Variants in USP25 observed in about 807,000 individuals in gnomAD.
USP25 encodes ubiquitin carboxyl-terminal hydrolase 25.
Under a neutral mutation model 158.5 loss-of-function variants are expected in USP25, and 85 were observed. That is an observed-to-expected ratio of 0.54 (90% confidence interval 0.45 to 0.64). USP25 has a LOEUF of 0.64. USP25 is among the 30% of genes least tolerant of loss of function. The pLI is 0.00. For missense variants in USP25, 1,242 were observed against 1,327.3 expected (o/e 0.94, Z 1.00); for synonymous variants, 464 against 460.4 (o/e 1.01, Z -0.10).
rs566571982 is a variant in USP25 at position 15,824,639 on chromosome 21, CAG to C, written c.1209-324_1209-323del. Among the ~76,000 whole-genome samples, 22 of 152,056 alleles carry C rather than the reference CAG, an allele frequency of 1.4e-4. No homozygotes were observed. The South Asian group carries it at 2.9e-3, about 20-fold the overall frequency. ...TCTTTCCTTCTTTTTTGTTTTGAGA[CAG>C]AGTCTTGCTCTGTCGCCCAGGCTGG... On this transcript the variant is annotated intron_variant, in intron 11 of 25. Transcript: ENST00000400183.
chr21:15,769,331 A>C (rs1482318896), intron 3 of USP25, among the ~76,000 whole-genome samples: 2 of 152,084 alleles, frequency 1.3e-5, no homozygotes, highest in Non-Finnish European at 2.9e-5. Context: ...CTGCATAAAA[A>C]AGAATTTAGA....
At chr21:15,749,352 TA>T (rs1407591870) in intron 1 of USP25, among the ~76,000 whole-genome samples, 8 of 152,238 alleles carry the variant, frequency 5.3e-5, no homozygotes, top group African/African-American at 1.4e-4. Flanking sequence ...TGTTTCTGCT[TA>T]TCTGTGGGAA....
At chr21:15,782,273 C>T (rs2035009077) in intron 4 of USP25, among the ~76,000 whole-genome samples, 1 of 152,186 alleles carries the variant, frequency 6.6e-6, no homozygotes. Flanking sequence ...GAACTTGCTC[C>T]CAGCTTGAAT....
chr21:15,751,586 A>T (rs2123317028), intron 1 of USP25, among the ~76,000 whole-genome samples: 1 of 152,322 alleles, frequency 6.6e-6, no homozygotes, highest in East Asian at 1.9e-4. Flanking sequence ...CAACAAGTTA[A>T]ATACATATTT....
chr21:15,863,660 A>G (rs565144293), intron 20 of USP25, among the ~76,000 whole-genome samples: 70 of 152,350 alleles, frequency 4.6e-4, no homozygotes, highest in African/African-American at 1.6e-3. Flanking sequence ...ATTTTACAGA[A>G]TTACTCACAT....
At chr21:15,745,644 T>G (rs1214417014) in intron 1 of USP25, among the ~76,000 whole-genome samples, 1 of 151,896 alleles carries the variant, frequency 6.6e-6, no homozygotes, top group African/African-American at 2.4e-5. Flanking sequence ...CTCAGCTAAT[T>G]TTTGTATTTT....
chr21:15,805,696 T>TA (rs1406039257), intron 7 of USP25: 2 of 152,326 alleles, frequency 1.3e-5, no homozygotes, highest in Non-Finnish European at 2.9e-5. Flanking sequence ...GGTAGATTTT[T>TA]ATCCATTACC....
intron 6 of USP25, among the ~76,000 whole-genome samples, 198 bp from the exon 7 acceptor site, chr21:15,804,923 C>G (rs930945727): frequency 6.6e-6 from 1 of 152,062 alleles, no homozygotes; most frequent in Non-Finnish European, 1.5e-5. Context: ...GGTCTTCTGC[C>G]TTTTTGTGCT....
intron 1 of USP25, among the ~76,000 whole-genome samples, chr21:15,738,841 T>C (rs1474175439): frequency 1.3e-5 from 2 of 152,176 alleles, no homozygotes; most frequent in South Asian, 2.1e-4. Context: ...AGTTATGTTA[T>C]CTATAGATTA....
At chr21:15,787,581 G>A (rs944762984) in intron 4 of USP25, among the ~76,000 whole-genome samples, 2 of 152,098 alleles carry the variant, frequency 1.3e-5, no homozygotes, top group South Asian at 2.1e-4. Context: ...TGAAACATTC[G>A]CTGTTTCATG....
intron 3 of USP25, among the ~76,000 whole-genome samples, chr21:15,770,084 A>G (rs1429498850): frequency 1.3e-5 from 2 of 152,056 alleles, no homozygotes; most frequent in African/African-American, 4.8e-5. Flanking sequence ...TGGCCACAGT[A>G]ATAGTGATTT....
rs527307737 is a variant in USP25 at position 15,846,938 on chromosome 21, GA to G, written c.2338-718del. ...ACATAGAATTTGTTAACAATAAAAA[GA>G]AAAAAAGGAATAAATCTGATTGAGT... On this transcript the variant is annotated intron_variant, in intron 18 of 25. Coordinates refer to ENST00000400183, the MANE Select transcript of USP25 (RefSeq NM_001283041.3). Among the ~76,000 whole-genome samples the G allele has an allele frequency of 2.5e-3, 383 of 151,878 alleles. 2 individuals are homozygous for G. The highest frequency in any genetic ancestry group is 8.1e-3 in the African/African-American group (334 of 41,464).
At chr21:15,857,291 G>A (rs532132161) in intron 20 of USP25, among the ~76,000 whole-genome samples, 1 of 152,124 alleles carries the variant, frequency 6.6e-6, no homozygotes, top group Non-Finnish European at 1.5e-5. Context: ...GAATATTTGA[G>A]TTATTTTCAA....
In USP25 at chr21:15,850,673, A is replaced by AT. The variant is rs2038845057; in HGVS notation, c.2547+806dup. On this transcript the variant is annotated intron_variant, in intron 20 of 25. Transcript: ENST00000400183. ...TTCTTTTTGACATTAAAAATCTAACATTTTTCATTTTCTGTATTTTGCCAT... is the reference window on the plus strand; with the variant it reads ...TTCTTTTTGACATTAAAAATCTAACATTTTTTCATTTTCTGTATTTTGCCAT... Among the ~76,000 whole-genome samples the AT allele has an allele frequency of 2.0e-5, 3 of 151,504 alleles. No homozygotes were observed. The East Asian group carries it at 5.8e-4, about 29-fold the overall frequency.
rs1031797456 is a variant in USP25 at position 15,875,583 on chromosome 21, T to A, written c.3009+1057T>A. ...CCATTATGAGAAATATGCACAATGATATGCCTGAAATATTTGGGAAGAACC... is the reference window on the plus strand; with the variant it reads ...CCATTATGAGAAATATGCACAATGAAATGCCTGAAATATTTGGGAAGAACC... On this transcript the variant is annotated intron_variant, in intron 24 of 25. Transcript: ENST00000400183. The surrounding 1 kb of genome is among the most constrained non-coding windows in gnomAD (Gnocchi z 4.7). Among the ~76,000 whole-genome samples, 1 of 152,224 alleles carries A rather than the reference T, an allele frequency of 6.6e-6. No homozygotes were observed. Among genetic ancestry groups the A allele is most frequent in the Non-Finnish European group, 1.5e-5 (1 of 68,036 alleles).
chr21:15,762,002 A>C (rs538352603), intron 1 of USP25, among the ~76,000 whole-genome samples: 18 of 152,104 alleles, frequency 1.2e-4, no homozygotes, highest in Non-Finnish European at 2.6e-4. Flanking sequence ...CTCCCTTTAT[A>C]ATTTGTGGAA....
Position 15,808,850 on chromosome 21 carries a change from A to G in USP25, c.822A>G (p.Leu274=). The stretch of plus-strand genomic sequence containing the variant: ...TTACACACAAATTATTAGATTGGTT[A>G]GAAGATGCCTTCCAAATGAAAGCTG... The part of the protein sequence containing the change: ...SEFTHKLLDW[L]EDAFQMKAEE... The change falls in exon 8 of 26, where the codon TTA becomes TTG. Residue 274 remains leucine (L), a synonymous_variant. Coordinates refer to ENST00000400183, the MANE Select transcript of USP25 (RefSeq NM_001283041.3). 1 of 1,611,724 alleles carries G rather than the reference A, an allele frequency of 6.2e-7. No homozygotes were observed.
chr21:15,842,291 A>C (rs2038372588), intron 17 of USP25, 107 bp from the exon 18 acceptor site: 15 of 1,239,616 alleles, frequency 1.2e-5, no homozygotes, highest in Non-Finnish European at 1.4e-5. Flanking sequence ...ATGGAAGACT[A>C]AAATTGGTTC....
chr21:15,744,078 C>G (rs1210380666), intron 1 of USP25: 1 of 155,002 alleles, frequency 6.5e-6, no homozygotes, highest in Non-Finnish European at 1.5e-5. Context: ...GCATGTCGAA[C>G]TGTAGCAGAG....
Sources: gnomAD v4.1 joint callset for allele counts (sites outside exome capture counted in the v4.1 genomes callset) on GRCh38, gnomAD v4.1.1 for gene constraint, Gnocchi (gnomAD v3.1) non-coding constraint, MANE v1.5 for transcripts, NCBI Gene and HGNC (gene_info 2026-07-23, HGNC 2026-07-21) for gene names.